Variants in IL17RC observed in about 807,000 individuals in gnomAD.
IL17RC encodes the protein interleukin 17 receptor C.
A neutral mutation model predicts 86.7 loss-of-function variants in IL17RC; 53 were observed. The ratio of observed to expected loss-of-function variants is 0.61; its 90% CI spans 0.49 to 0.77. IL17RC has a LOEUF of 0.77. Ranked by LOEUF, IL17RC falls within the 30% of genes least tolerant of loss-of-function variation. The pLI is 0.00. For missense variants in IL17RC, 957 were observed against 940.0 expected (o/e 1.02, Z -0.24); for synonymous variants, 439 against 413.1 (o/e 1.06, Z -0.76).
In IL17RC at chr3:9,924,274, C is replaced by T; in HGVS notation, c.805C>T (p.Pro269Ser). The change falls in exon 9 of 19, where the codon CCC becomes TCC. Residue 269 changes from proline (P) to serine (S), a missense_variant. Transcript: ENST00000403601. ...IITLNHTDLVPCLCIQVWPLE... is the reference protein window; with the variant it reads ...IITLNHTDLVSCLCIQVWPLE... ...TACCTTGAACCACACAGACCTGGTT[C>T]CCTGCCTCTGTATTCAGGTAGGAGC... 6.2e-7 allele frequency: 1 copy of T among 1,614,036 alleles called. No individual in the cohort carries two copies. Among genetic ancestry groups the T allele is most frequent in the Non-Finnish European group, 8.5e-7 (1 of 1,179,960 alleles).
intron 9 of IL17RC, among the ~76,000 whole-genome samples, chr3:9,927,958 A>G (rs1488216324): frequency 1.3e-5 from 2 of 152,166 alleles, no homozygotes; most frequent in Admixed American, 1.3e-4. Flanking sequence ...CAAAAAAAAA[A>G]AAAAGTTTGT....
At chr3:9,929,676 G>A in intron 12 of IL17RC, 176 bp from the exon 13 acceptor site, 1 of 721,366 alleles carries the variant, frequency 1.4e-6, no homozygotes, top group Non-Finnish European at 2.5e-6. Flanking sequence ...ACAAGGCTGG[G>A]GCAGAGAAAG....
Position 9,924,034 on chromosome 3 carries a change from CTTCCCAAGTCCA to C in IL17RC, c.762+21_762+32del. 1 of 1,612,962 alleles carries C rather than the reference CTTCCCAAGTCCA, an allele frequency of 6.2e-7. No individual in the cohort carries two copies. Among genetic ancestry groups the C allele is most frequent in the Non-Finnish European group, 8.5e-7 (1 of 1,180,014 alleles). The stretch of plus-strand genomic sequence containing the variant: ...CACAAAAACCTGGTGAGGCCTCCCC[CTTCCCAAGTCCA>C]TTCCCACTGTAGGCCGATGCCTGTG... On this transcript the variant is annotated intron_variant, in intron 8 of 18. Transcript: ENST00000403601.
chr3:9,926,541 C>T (rs571726881), intron 9 of IL17RC, among the ~76,000 whole-genome samples: 122 of 151,972 alleles, frequency 8.0e-4, no homozygotes, highest in African/African-American at 2.8e-3. Context: ...CAAATCATAT[C>T]TAATTCAAAT....
chr3:9,921,711 G>A (rs1336775720), intron 7 of IL17RC, among the ~76,000 whole-genome samples: 4 of 147,170 alleles, frequency 2.7e-5, no homozygotes, highest in Non-Finnish European at 4.4e-5. Context: ...TGCAAGCTCC[G>A]CCTCCCAGGT....
intron 7 of IL17RC, among the ~76,000 whole-genome samples, chr3:9,922,885 T>TAAGGAGGGGGCCGGGCGCGGTGG (rs2083698337): frequency 6.6e-6 from 1 of 151,358 alleles, no homozygotes; most frequent in South Asian, 2.1e-4. Context: ...TAAGAAATAG[T>TAAGGAGGGGGCCGGGCGCGGTGG]AAGGAGGGGG....
chr3:9,931,211 A>G (rs1189855049), intron 16 of IL17RC, among the ~76,000 whole-genome samples: 1 of 151,990 alleles, frequency 6.6e-6, no homozygotes, highest in Non-Finnish European at 1.5e-5. Flanking sequence ...CTACTGAAGC[A>G]CCACCAAGTG....
At chr3:9,925,854 T>G (rs6778076) in intron 9 of IL17RC, among the ~76,000 whole-genome samples, 3,964 of 146,914 alleles carry the variant, frequency 0.027, 176 homozygotes, top group African/African-American at 0.096. Context: ...TCTTTTATTT[T>G]CTTAAATTTT....
chr3:9,932,582 T>C, intron 16 of IL17RC, 26 bp from the exon 17 acceptor site: 2 of 1,604,546 alleles, frequency 1.2e-6, no homozygotes, highest in African/African-American at 1.3e-5. Context: ...GGTAAGTTTC[T>C]AACTCTTCTT....
rs1349088587 is a variant in IL17RC, at chr3:9,930,818, G to A, written c.1339-77G>A. 3 of 1,314,264 alleles carry A rather than the reference G, an allele frequency of 2.3e-6. No individual in the cohort carries two copies. In the East Asian group the frequency reaches 6.9e-5, roughly 30 times the overall value. 81.4% of individuals were successfully genotyped at this position (1,314,264 alleles called of 1,614,324 possible). A position where few individuals can be genotyped will look rare whatever the true frequency, so the allele number is the denominator to read the frequency against. ...GCATAGTTGATGCTGGGAATTTGGAGATCAGGCCACCAGAGCTTGGTGAAT... is the reference window on the plus strand; with the variant it reads ...GCATAGTTGATGCTGGGAATTTGGAAATCAGGCCACCAGAGCTTGGTGAAT... On this transcript the variant is annotated intron_variant, in intron 15 of 18. Coordinates refer to ENST00000403601, the MANE Select transcript of IL17RC (RefSeq NM_153460.4). The surrounding 1 kb of genome is among the most constrained non-coding windows in gnomAD (Gnocchi z 5.8).
At chr3:9,925,891 G>T (rs1373216141) in intron 9 of IL17RC, among the ~76,000 whole-genome samples, 12 of 141,978 alleles carry the variant, frequency 8.5e-5, no homozygotes, top group Admixed American at 3.5e-4. Context: ...ACAGCATTTT[G>T]CTCTGTCACC....
chr3:9,917,498 T>A, intron 1 of IL17RC, 78 bp downstream of exon 1: 1 of 1,614,200 alleles, frequency 6.2e-7, no homozygotes, highest in Non-Finnish European at 8.5e-7. Context: ...GCCTGGCTCC[T>A]GTCACTGCTG....
At chr3:9,917,675 G>A (rs1404112671) in intron 1 of IL17RC, 38 bp from the exon 2 acceptor site, 2 of 1,613,710 alleles carry the variant, frequency 1.2e-6, no homozygotes, top group African/African-American at 2.7e-5. Context: ...CTAGATGGTG[G>A]GGGCACAAAT....
Position 9,930,137 on chromosome 3 carries a change from C to G in IL17RC, c.1266C>G (p.Ser422Arg). ...CCAGTGGCTGTACTTCACTACCCAG[C>G]AAAGCCTCCACGGTTAGGACTGGGC... is the stretch of plus-strand genomic sequence containing the variant. Reference protein sequence around the residue: ...LEPSGCTSLPSKASTRAARLG... With the variant: ...LEPSGCTSLPRKASTRAARLG... The change falls in exon 14 of 19, where the codon AGC becomes AGG. Residue 422 changes from serine to arginine, a missense_variant. Transcript: ENST00000403601. The surrounding 1 kb of genome is among the most constrained non-coding windows in gnomAD (Gnocchi z 5.8). 17 of 1,614,088 alleles carry G rather than the reference C, an allele frequency of 1.1e-5. No homozygotes were observed. Among genetic ancestry groups the G allele is most frequent in the Non-Finnish European group, 1.4e-5 (17 of 1,180,002 alleles).
Position 9,928,162 on chromosome 3 carries a change from C to G in IL17RC, c.823-4C>G, listed in dbSNP as rs200220568. On this transcript the variant is annotated splice_polypyrimidine_tract_variant and splice_region_variant and intron_variant, in intron 9 of 18. Transcript: ENST00000403601. ...ACCTGAGCAGACCCCCATTTCCTTT[C>G]CAGGTGTGGCCTCTGGAACCTGACT... The G allele has an allele frequency of 1.2e-6, 2 of 1,614,124 alleles. No homozygotes were observed. Among genetic ancestry groups the G allele is most frequent in the Non-Finnish European group, 1.7e-6 (2 of 1,179,982 alleles).
Position 9,930,301 on chromosome 3 carries a change from C to A in IL17RC, c.1279-99C>A. On this transcript the variant is annotated intron_variant, in intron 14 of 18. Coordinates refer to ENST00000403601, the MANE Select transcript of IL17RC (RefSeq NM_153460.4). This position sits in a 1 kb window ranked among gnomAD's most constrained non-coding sequence, Gnocchi z 5.8. The stretch of plus-strand genomic sequence containing the variant: ...ATTCAGCGGCATCACCAAAGTCTCC[C>A]AGTCCCCTCTACCTCATTCTACCCA... 1 of 1,534,000 alleles carries A rather than the reference C, an allele frequency of 6.5e-7. No individual in the cohort carries two copies. Among genetic ancestry groups the A allele is most frequent in the Non-Finnish European group, 9.0e-7 (1 of 1,113,330 alleles).
intron 2 of IL17RC, 43 bp from the exon 3 acceptor site, chr3:9,917,880 G>A: frequency 6.2e-7 from 1 of 1,612,386 alleles, no homozygotes; most frequent in South Asian, 1.1e-5. Flanking sequence ...CCAAATTCTG[G>A]GCTTGGAACA....
intron 9 of IL17RC, among the ~76,000 whole-genome samples, 184 bp from the exon 10 acceptor site, chr3:9,927,982 G>A (rs2084252956): frequency 6.6e-6 from 1 of 152,206 alleles, no homozygotes; most frequent in South Asian, 2.1e-4. Context: ...TGAAGATGTT[G>A]CCAGTGCCCA....
Position 9,930,952 on chromosome 3 carries a change from T to G in IL17RC, c.1387+9T>G. On this transcript the variant is annotated intron_variant, in intron 16 of 18. Coordinates refer to ENST00000403601, the MANE Select transcript of IL17RC (RefSeq NM_153460.4). The surrounding 1 kb of genome is among the most constrained non-coding windows in gnomAD (Gnocchi z 5.8). ...CTGCCCCATGGACAAATGTGAGTAT[T>G]GTAAGAACTGCCTTTCCTTTCTGTA... The G allele has an allele frequency of 6.2e-7, 1 of 1,611,832 alleles. No homozygotes were observed. Among genetic ancestry groups the G allele is most frequent in the South Asian group, 1.1e-5 (1 of 91,030 alleles).
Sources: allele counts gnomAD v4.1 joint callset (sites outside exome capture counted in the v4.1 genomes callset), GRCh38; gene constraint gnomAD v4.1.1; non-coding constraint Gnocchi (gnomAD v3.1); transcripts MANE v1.5; gene names NCBI Gene and HGNC (gene_info 2026-07-23, HGNC 2026-07-21).